Variants in CAMSAP1 observed in about 807,000 individuals in gnomAD.
CAMSAP1 encodes the protein calmodulin-regulated spectrin-associated protein 1.
CAMSAP1 carries 58 observed loss-of-function variants against 143.5 expected under a neutral mutation model. The observed-to-expected ratio is 0.40, with a 90% confidence interval of 0.33 to 0.50. CAMSAP1 has a LOEUF of 0.50. Ranked by LOEUF, CAMSAP1 falls within the 20% of genes least tolerant of loss-of-function variation. The pLI is 0.45. For synonymous variants in CAMSAP1, 945 were observed against 859.3 expected (o/e 1.10, Z -1.74); for missense variants, 1,969 against 2,115.7 (o/e 0.93, Z 1.36).
chr9:135,821,647 G>A lies in CAMSAP1; in HGVS notation c.3014C>T (p.Ala1005Val), dbSNP rs1835466651. The stretch of plus-strand genomic sequence containing the variant: ...CTCCCCAACAGTGTCCTCCAGGAGG[G>A]CAGCGGAGATCACCTTATTTCTCTC... ...ELERNKVISA[A>V]LLEDTVGEVV... The change falls in exon 11 of 17, where the codon GCC becomes GTC. Residue 1005 changes from alanine to valine, a missense_variant. Physicochemically the swap from Ala to Val is moderately conservative, Grantham distance 64 (BLOSUM62 0). Transcript: ENST00000389532. This position sits in a 1 kb window ranked among gnomAD's most constrained non-coding sequence, Gnocchi z 4.6. 1 of 1,614,012 alleles carries A rather than the reference G, an allele frequency of 6.2e-7. No individual in the cohort carries two copies. The highest frequency in any genetic ancestry group is 8.5e-7 in the Non-Finnish European group (1 of 1,179,894).
Position 135,862,523 on chromosome 9 carries a change from C to A in CAMSAP1, c.752G>T (p.Gly251Val). ...LEDLMRDGSD[G>V]AALLAVIHYY... ...GTGAATCACAGCTAAGAGAGCAGCA[C>A]CATCACTGCCGTCTCTCATCAAATC... The change falls in exon 5 of 17, where the codon GGT becomes GTT. Residue 251 changes from glycine to valine, a missense_variant. Physicochemically the swap from Gly to Val is moderately radical, Grantham distance 109. Transcript: ENST00000389532. 2 of 1,551,676 alleles carry A rather than the reference C, an allele frequency of 1.3e-6. No homozygotes were observed. Among genetic ancestry groups the A allele is most frequent in the Non-Finnish European group, 1.7e-6 (2 of 1,146,994 alleles).
chr9:135,823,894 T>G, intron 10 of CAMSAP1, 56 bp downstream of exon 10: 1 of 1,379,316 alleles, frequency 7.2e-7, no homozygotes, highest in Non-Finnish European at 1.0e-6. Flanking sequence ...TCTTAAGAAC[T>G]GCTGTTTAGT....
chr9:135,901,257 T>C (rs1432158173), intron 1 of CAMSAP1, among the ~76,000 whole-genome samples: 5 of 152,196 alleles, frequency 3.3e-5, no homozygotes, highest in African/African-American at 1.2e-4. Flanking sequence ...TGTATATCTG[T>C]TGGCTCTATC....
Position 135,887,049 on chromosome 9 carries a change from G to A in CAMSAP1, c.161-3971C>T, listed in dbSNP as rs1454922366. ...GAGACTGGAAGCGCAAGAGTAAAGG[G>A]ACCAGCTGGAGACGTGCTTTGGAAC... On this transcript the variant is annotated intron_variant, in intron 1 of 16. Transcript: ENST00000389532. Among the ~76,000 whole-genome samples the A allele has an allele frequency of 2.6e-5, 4 of 152,246 alleles. No homozygotes were observed. The Middle Eastern group carries it at 0.01, about 388-fold the overall frequency.
chr9:135,856,993 C>T lies in CAMSAP1; in HGVS notation c.808+5474G>A, dbSNP rs575673678. Reference sequence around the variant, plus strand: ...TGGGAAGGCACCTCCCAGTCATCTTCCTTCCAGGACTGTGGCTGAGGAATC... The same window carrying T: ...TGGGAAGGCACCTCCCAGTCATCTTTCTTCCAGGACTGTGGCTGAGGAATC... On this transcript the variant is annotated intron_variant, in intron 5 of 16. Transcript: ENST00000389532. Among the ~76,000 whole-genome samples, 3 of 152,340 alleles carry T rather than the reference C, an allele frequency of 2.0e-5. No individual in the cohort carries two copies. In the East Asian group the frequency reaches 5.8e-4, roughly 30 times the overall value.
intron 1 of CAMSAP1, among the ~76,000 whole-genome samples, chr9:135,895,094 G>C (rs781425689): frequency 1.3e-5 from 2 of 152,158 alleles, no homozygotes; most frequent in South Asian, 2.1e-4. Context: ...AAGAAGAACA[G>C]AGCCTCCAAG....
chr9:135,875,211 ATT>A (rs56899993), intron 3 of CAMSAP1, among the ~76,000 whole-genome samples: 3 of 147,096 alleles, frequency 2.0e-5, no homozygotes, highest in South Asian at 4.3e-4. Flanking sequence ...AGTGAAAACA[ATT>A]TTTTTTTTTT....
At chr9:135,867,866 A>C (rs1030417821) in intron 3 of CAMSAP1, among the ~76,000 whole-genome samples, 41 of 152,360 alleles carry the variant, frequency 2.7e-4, no homozygotes, top group Non-Finnish European at 7.3e-5. Context: ...GCTGGAGAAG[A>C]GATGCCAGGC....
chr9:135,837,709 C>G (rs112941173), intron 7 of CAMSAP1, among the ~76,000 whole-genome samples: 2,029 of 148,808 alleles, frequency 0.014, 76 homozygotes, highest in African/African-American at 0.05. Context: ...CGTCACCACG[C>G]ACGTTCTACA....
chr9:135,827,326 A>C, intron 8 of CAMSAP1, 81 bp downstream of exon 8: 1 of 1,285,388 alleles, frequency 7.8e-7, no homozygotes, highest in East Asian at 2.6e-5. Context: ...TAAAAAAGGT[A>C]ACTTCAATTA....
intron 3 of CAMSAP1, among the ~76,000 whole-genome samples, chr9:135,871,413 C>T (rs1412196599): frequency 2.6e-5 from 4 of 152,122 alleles, no homozygotes; most frequent in African/African-American, 9.7e-5. Context: ...GTCTTGAACT[C>T]CCTGGCTCAA....
chr9:135,836,759 G>A (rs923644783), intron 7 of CAMSAP1: 3 of 972,908 alleles, frequency 3.1e-6, no homozygotes, highest in South Asian at 4.8e-5. Context: ...ACATTGTCAC[G>A]TACCTTCTAC....
chr9:135,892,680 G>A (rs574142389), intron 1 of CAMSAP1, among the ~76,000 whole-genome samples: 29 of 151,604 alleles, frequency 1.9e-4, no homozygotes, highest in Non-Finnish European at 2.9e-4. Context: ...GTGAAACCCC[G>A]TCTCTACTAA....
Position 135,907,324 on chromosome 9 carries a change from G to C in CAMSAP1, c.-165C>G, listed in dbSNP as rs1258300015. 4.1e-6 allele frequency: 1 copy of C among 242,622 alleles called. No individual in the cohort carries two copies. The highest frequency in any genetic ancestry group is 1.8e-4 in the East Asian group (1 of 5,566). The allele number at this position is 242,622 out of a possible 1,614,324, so 15.0% of individuals were successfully genotyped here. A position where few individuals can be genotyped will look rare whatever the true frequency, so the allele number is the denominator to read the frequency against. ...GCCTCACCTCACAGCCGCCGCCGTC[G>C]CCGCCCCCGCGGCTGCTGCATGCTG... is the stretch of plus-strand genomic sequence containing the variant. On this transcript the variant is annotated 5_prime_UTR_variant, in exon 1 of 17. Coordinates refer to ENST00000389532, the MANE Select transcript of CAMSAP1 (RefSeq NM_015447.4).
chr9:135,844,734 AAAC>A (rs756863738), intron 7 of CAMSAP1, among the ~76,000 whole-genome samples: 4 of 152,236 alleles, frequency 2.6e-5, no homozygotes, highest in Non-Finnish European at 5.9e-5. Flanking sequence ...AGAATACTAT[AAAC>A]AACTCAGTGC....
At chr9:135,830,830 C>A (rs922178538) in intron 7 of CAMSAP1, among the ~76,000 whole-genome samples, 8 of 152,160 alleles carry the variant, frequency 5.3e-5, no homozygotes, top group Admixed American at 3.9e-4. Flanking sequence ...AGATCAAAAT[C>A]ATGTCATGTA....
intron 2 of CAMSAP1, 92 bp from the exon 3 acceptor site, chr9:135,881,886 C>T: frequency 7.0e-7 from 1 of 1,435,858 alleles, no homozygotes; most frequent in East Asian, 2.5e-5. Flanking sequence ...GCATTCTGGC[C>T]TAATTTCTTC....
chr9:135,856,528 G>C, intron 5 of CAMSAP1, among the ~76,000 whole-genome samples: 1 of 152,106 alleles, frequency 6.6e-6, no homozygotes, highest in East Asian at 1.9e-4. Flanking sequence ...CTGTGGCCTC[G>C]GTAAGAGAAC....
In CAMSAP1 at chr9:135,823,929, A is replaced by G. The variant is rs199578643; in HGVS notation, c.1400+21T>C. On this transcript the variant is annotated intron_variant, in intron 10 of 16. Coordinates refer to ENST00000389532, the MANE Select transcript of CAMSAP1 (RefSeq NM_015447.4). ...TATAAAAAACATTCCAAACAGAAAC[A>G]CTGCTGAAACACAGACTCACCTGGT... 3.3e-4 allele frequency: 511 copies of G among 1,554,788 alleles called. 2 individuals are homozygous for G. In the African/African-American group the frequency reaches 6.4e-3, roughly 19 times the overall value.
Sources: gnomAD v4.1 joint callset for allele counts (sites outside exome capture counted in the v4.1 genomes callset) on GRCh38, gnomAD v4.1.1 for gene constraint, Gnocchi (gnomAD v3.1) non-coding constraint, MANE v1.5 for transcripts, NCBI Gene and HGNC (gene_info 2026-07-23, HGNC 2026-07-21) for gene names.